Variants in RIC8B observed in about 807,000 individuals in gnomAD.
RIC8B encodes the protein RIC8 guanine nucleotide exchange factor B.
In RIC8B, 16 loss-of-function variants were observed where a neutral mutation model predicts 57.5. The ratio of observed to expected loss-of-function variants is 0.28; its 90% CI spans 0.19 to 0.42. The LOEUF is 0.42. RIC8B is among the 10% of genes least tolerant of loss of function. The probability of loss-of-function intolerance (pLI) is 1.00; values close to 1 mark genes in which losing one functional copy is unlikely to be tolerated. For missense variants in RIC8B, 481 were observed against 677.0 expected, an observed-to-expected ratio of 0.71 and a Z score of 3.21; for synonymous variants, 216 against 250.8, an observed-to-expected ratio of 0.86 and a Z score of 1.31.
chr12:106,795,393 T>G (rs982386417), intron 2 of RIC8B, among the ~76,000 whole-genome samples: 1 of 151,684 alleles, frequency 6.6e-6, no homozygotes, highest in Admixed American at 6.6e-5. Flanking sequence ...AGAAAACAGC[T>G]CTCTCTCTAG....
At chr12:106,869,077 T>G (rs1342076636) in intron 8 of RIC8B, among the ~76,000 whole-genome samples, 2 of 152,090 alleles carry the variant, frequency 1.3e-5, no homozygotes, top group Non-Finnish European at 2.9e-5. Flanking sequence ...TCCCATCCCC[T>G]TCTTGCCTGA....
intron 9 of RIC8B, among the ~76,000 whole-genome samples, chr12:106,881,552 T>TGTC (rs1445150093): frequency 6.6e-6 from 1 of 152,054 alleles, no homozygotes; most frequent in Non-Finnish European, 1.5e-5. Flanking sequence ...TCTCCTCCTG[T>TGTC]GTCCCTCTCA....
At chr12:106,799,555 A>T (rs1047731565) in intron 2 of RIC8B, among the ~76,000 whole-genome samples, 1 of 152,242 alleles carries the variant, frequency 6.6e-6, no homozygotes, top group African/African-American at 2.4e-5. Flanking sequence ...TAAGTCACGT[A>T]AAAGATGCCT....
intron 4 of RIC8B, among the ~76,000 whole-genome samples, chr12:106,831,339 GA>G (rs1238010698): frequency 3.3e-5 from 5 of 152,166 alleles, no homozygotes; most frequent in Middle Eastern, 3.4e-3. Flanking sequence ...AGGATTAAGA[GA>G]AAAAAAATTT....
At chr12:106,794,611 TG>T (rs1456269673) in intron 2 of RIC8B, among the ~76,000 whole-genome samples, 1 of 152,096 alleles carries the variant, frequency 6.6e-6, no homozygotes, top group Non-Finnish European at 1.5e-5. Context: ...TGTAAGTCAG[TG>T]GGATAACATA....
At chr12:106,807,999 C>T (rs1004261268) in intron 2 of RIC8B, among the ~76,000 whole-genome samples, 2 of 151,118 alleles carry the variant, frequency 1.3e-5, no homozygotes, top group Non-Finnish European at 1.5e-5. Flanking sequence ...GCAGGAGAAT[C>T]GCTTGAACCT....
intron 3 of RIC8B, among the ~76,000 whole-genome samples, chr12:106,819,571 G>A (rs1042378782): frequency 2.6e-5 from 4 of 151,948 alleles, no homozygotes; most frequent in Admixed American, 6.6e-5. Flanking sequence ...GGGCAACATA[G>A]TGAGACCTGA....
At chr12:106,860,538 T>C (rs750476896) in intron 8 of RIC8B, 126 bp downstream of exon 8, 9 of 731,288 alleles carry the variant, frequency 1.2e-5, no homozygotes, top group African/African-American at 1.8e-5. Context: ...TTAATGGTGT[T>C]TTTAGAGGCA....
At chr12:106,861,986 G>A (rs1021705563) in intron 8 of RIC8B, among the ~76,000 whole-genome samples, 2 of 152,000 alleles carry the variant, frequency 1.3e-5, no homozygotes, top group Non-Finnish European at 2.9e-5. Context: ...TGTAGCAAGC[G>A]CCAGAATGCT....
At chr12:106,836,885 A>G (rs1212882831) in intron 4 of RIC8B, among the ~76,000 whole-genome samples, 7 of 152,176 alleles carry the variant, frequency 4.6e-5, no homozygotes, top group African/African-American at 1.7e-4. Flanking sequence ...CCTCTTATGT[A>G]TGGTGGGTCA....
chr12:106,790,164 G>A (rs1389857550), intron 2 of RIC8B, among the ~76,000 whole-genome samples: 1 of 152,160 alleles, frequency 6.6e-6, no homozygotes. Flanking sequence ...TAGTGGTTCA[G>A]CCTCACATAG....
intron 6 of RIC8B, among the ~76,000 whole-genome samples, chr12:106,845,753 ACT>A (rs762559967): frequency 2.6e-5 from 4 of 151,758 alleles, no homozygotes; most frequent in Non-Finnish European, 5.9e-5. Flanking sequence ...CTCTGTACTC[ACT>A]CTCTCTATTC....
chr12:106,803,261 A>G (rs1258935436), intron 2 of RIC8B, among the ~76,000 whole-genome samples: 2 of 150,004 alleles, frequency 1.3e-5, no homozygotes, highest in Non-Finnish European at 3.0e-5. Context: ...TCCATAATAC[A>G]TGGGAGAATC....
At chr12:106,806,600 G>A (rs971737863) in intron 2 of RIC8B, among the ~76,000 whole-genome samples, 7 of 152,110 alleles carry the variant, frequency 4.6e-5, no homozygotes, top group Non-Finnish European at 1.0e-4. Flanking sequence ...GGGAGGCTGA[G>A]GTGGGTGGAT....
At chr12:106,821,028 A>C (rs1305558668) in intron 3 of RIC8B, among the ~76,000 whole-genome samples, 2 of 152,242 alleles carry the variant, frequency 1.3e-5, no homozygotes, top group Non-Finnish European at 1.5e-5. Flanking sequence ...GATGCCCTGA[A>C]AATATCAAAA....
At chr12:106,777,709 AATTAT>A (rs1325748131) in intron 1 of RIC8B, among the ~76,000 whole-genome samples, 1 of 152,212 alleles carries the variant, frequency 6.6e-6, no homozygotes, top group Non-Finnish European at 1.5e-5. Flanking sequence ...ACTATGGATA[AATTAT>A]ATTAAGCCTG....
chr12:106,822,235 A>C (rs2045887592), intron 3 of RIC8B: 1 of 152,178 alleles, frequency 6.6e-6, no homozygotes, highest in African/African-American at 2.4e-5. Flanking sequence ...CCAAGAAATC[A>C]CTACACATCC....
At chr12:106,818,186 T>A (rs1413797158) in intron 3 of RIC8B, among the ~76,000 whole-genome samples, 3 of 152,152 alleles carry the variant, frequency 2.0e-5, no homozygotes, top group Non-Finnish European at 4.4e-5. Flanking sequence ...CTTTTTTTTT[T>A]GAGAGAGTCT....
intron 8 of RIC8B, among the ~76,000 whole-genome samples, chr12:106,864,519 A>G (rs997194435): frequency 1.3e-5 from 2 of 152,134 alleles, no homozygotes; most frequent in Non-Finnish European, 2.9e-5. Flanking sequence ...TGAGAAAACT[A>G]AAGGCAATGA....
Sources: allele counts gnomAD v4.1 joint callset (sites outside exome capture counted in the v4.1 genomes callset), GRCh38; gene constraint gnomAD v4.1.1; transcripts MANE v1.5; gene names NCBI Gene and HGNC (gene_info 2026-07-23, HGNC 2026-07-21).